The following SCAF11 variants were observed in gnomAD, a reference collection of about 807,000 sequenced individuals.
SCAF11 encodes the protein SR-related CTD associated factor 11, also known as protein SCAF11.
SCAF11 carries 47 observed loss-of-function variants against 140.5 expected under a neutral mutation model. The ratio of observed to expected loss-of-function variants is 0.33; its 90% CI spans 0.26 to 0.43. The LOEUF (loss-of-function observed/expected upper bound fraction) is 0.43. SCAF11 is among the 20% of genes least tolerant of loss of function. The probability of loss-of-function intolerance (pLI) is 1.00; values close to 1 mark genes in which losing one functional copy is unlikely to be tolerated. For synonymous variants in SCAF11, 557 were observed against 579.4 expected (o/e 0.96, Z 0.55); for missense variants, 1,645 against 1,705.1 (o/e 0.96, Z 0.62).
At chr12:45,939,939 C>A (rs956973913) in intron 6 of SCAF11, among the ~76,000 whole-genome samples, 1 of 152,200 alleles carries the variant, frequency 6.6e-6, no homozygotes, top group Non-Finnish European at 1.5e-5. Context: ...ACTCTACCTT[C>A]GTGACTTTGT....
chr12:45,939,940 G>A (rs142609275), intron 6 of SCAF11, among the ~76,000 whole-genome samples: 103 of 152,210 alleles, frequency 6.8e-4, no homozygotes, highest in South Asian at 5.4e-3. Context: ...CTCTACCTTC[G>A]TGACTTTGTC....
Position 45,927,345 on chromosome 12 carries a change from T to C in SCAF11, c.2356A>G (p.Lys786Glu), listed in dbSNP as rs921263146. Reference protein sequence around the residue: ...SPKDTIDKTKKPRTRRSRFHS... With the variant: ...SPKDTIDKTKEPRTRRSRFHS... ...AATCTAGATCTTCGAGTACGAGGCTTTTTGGTTTTATCTATGGTATCTTTT... is the reference window on the plus strand; with the variant it reads ...AATCTAGATCTTCGAGTACGAGGCTCTTTGGTTTTATCTATGGTATCTTTT... The change falls in exon 11 of 15, where the codon AAG (lysine) becomes GAG (glutamate). Residue 786 changes from lysine (K) to glutamate (E), a missense_variant. By Grantham distance (56) the Lys-to-Glu change is moderately conservative. Coordinates refer to ENST00000369367, the MANE Select transcript of SCAF11 (RefSeq NM_004719.3). The C allele has an allele frequency of 6.2e-7, 1 of 1,614,108 alleles. No homozygotes were observed. Among genetic ancestry groups the C allele is most frequent in the Non-Finnish European group, 8.5e-7 (1 of 1,179,996 alleles).
In SCAF11 at chr12:45,924,828, G is replaced by A. The variant is rs1944812115; in HGVS notation, c.3806C>T (p.Pro1269Leu). ...TGGTAGTCCCTGAGATACACTGGTA[G>A]GAGTGGCTACCTGCATGAGGGGCAC... ...TGVPLMQVAT[P>L]TSVSQGLPPP... is the part of the protein sequence containing the mutation. Residue 1269 changes from proline (P) to leucine (L), a missense_variant, in exon 12 of 15, where the codon CCT (proline) becomes CTT (leucine). Transcript: ENST00000369367. 6.2e-7 allele frequency: 1 copy of A among 1,613,974 alleles called. No individual in the cohort carries two copies. The highest frequency in any genetic ancestry group is 1.3e-5 in the African/African-American group (1 of 74,920).
chr12:45,979,110 C>A (rs1592224989), intron 1 of SCAF11, among the ~76,000 whole-genome samples: 1 of 112,350 alleles, frequency 8.9e-6, no homozygotes, highest in South Asian at 3.6e-4. Flanking sequence ...GGCTGTGAGG[C>A]TATGCCCTCA....
At chr12:45,983,742 A>AACACACACACACACACACACACAC (rs55655357) in intron 1 of SCAF11, among the ~76,000 whole-genome samples, 1 of 133,906 alleles carries the variant, frequency 7.5e-6, no homozygotes, top group Non-Finnish European at 1.6e-5. Flanking sequence ...CTAAACCTAA[A>AACACACACACACACACACACACAC]ACACACACAC....
rs1009670729 is a variant in SCAF11 at position 45,949,437 on chromosome 12, A to G, written c.298-900T>C. 2.0e-4 allele frequency among the ~76,000 whole-genome samples: 31 copies of G among 152,220 alleles called. 1 individual carries two copies. Among genetic ancestry groups the G allele is most frequent in the Non-Finnish European group, 4.4e-5 (3 of 68,040 alleles). On this transcript the variant is annotated intron_variant, in intron 4 of 14. Coordinates refer to ENST00000369367, the MANE Select transcript of SCAF11 (RefSeq NM_004719.3). ...ATATATTGGATTAAAAATAAAATAT[A>G]TCATTCAATTTATTTCATTTTTTTA...
intron 6 of SCAF11, among the ~76,000 whole-genome samples, chr12:45,935,279 C>G (rs1302533189): frequency 6.6e-6 from 1 of 152,214 alleles, no homozygotes; most frequent in Admixed American, 6.5e-5. Flanking sequence ...CTACTTTCTA[C>G]TTAATAGCAT....
chr12:45,928,793 C>G lies in SCAF11; in HGVS notation c.908G>C (p.Gly303Ala). ...QEGEEKKQTS[G>A]TSNTRGSRRK... The stretch of plus-strand genomic sequence containing the variant: ...TCTTGATCCTCTGGTATTTGATGTA[C>G]CAGAAGTTTGCTTCTTTTCTTCCCC... Residue 303 changes from glycine to alanine, a missense_variant, in exon 11 of 15, where the codon GGT becomes GCT. This residue lies in a region of SCAF11 where 1,582 missense variants were observed against 1,609.2 expected (regional missense o/e 0.98). Coordinates refer to ENST00000369367, the MANE Select transcript of SCAF11 (RefSeq NM_004719.3). 1.2e-6 allele frequency: 2 copies of G among 1,613,130 alleles called. No individual in the cohort carries two copies. The highest frequency in any genetic ancestry group is 1.7e-6 in the Non-Finnish European group (2 of 1,179,936).
chr12:45,987,646 T>C (rs1258095894), intron 1 of SCAF11, among the ~76,000 whole-genome samples: 3 of 151,922 alleles, frequency 2.0e-5, no homozygotes, highest in East Asian at 3.9e-4. Context: ...CACAACAGCG[T>C]AGGGGAAAGG....
rs74695797 is a variant in SCAF11 at position 45,944,636 on chromosome 12, C to T, written c.463+613G>A. On this transcript the variant is annotated intron_variant, in intron 6 of 14. Transcript: ENST00000369367. Reference sequence around the variant, plus strand: ...TGGGACAGAATAAACAGCCTGAACCCCCAAGGAGGAGTCACAAAGAACTAT... The same window carrying T: ...TGGGACAGAATAAACAGCCTGAACCTCCAAGGAGGAGTCACAAAGAACTAT... Among the ~76,000 whole-genome samples, 1,094 of 152,188 alleles carry T rather than the reference C, an allele frequency of 7.2e-3. 10 individuals are homozygous for T. The highest frequency in any genetic ancestry group is 0.025 in the African/African-American group (1,036 of 41,502).
chr12:45,956,022 C>A, intron 3 of SCAF11: 1 of 686,356 alleles, frequency 1.5e-6, no homozygotes, highest in East Asian at 2.7e-5. Flanking sequence ...TTCAGTAAAA[C>A]ACACCCTACT....
chr12:45,989,667 TTA>T (rs1380411327), intron 1 of SCAF11, among the ~76,000 whole-genome samples: 2 of 152,140 alleles, frequency 1.3e-5, no homozygotes, highest in African/African-American at 4.8e-5. Flanking sequence ...TAGGCTAAAT[TTA>T]TATCTCCCGG....
In SCAF11 at chr12:45,977,744, T is replaced by C. The variant is rs141679072; in HGVS notation, c.-22+12609A>G. The stretch of plus-strand genomic sequence containing the variant: ...GCCAACACAGAAGGCACCCAAATTA[T>C]ACTGCCACAAGATGAGCTTGGGAGG... On this transcript the variant is annotated intron_variant, in intron 1 of 14. Transcript: ENST00000369367. Among the ~76,000 whole-genome samples, 27 of 152,286 alleles carry C rather than the reference T, an allele frequency of 1.8e-4. No individual in the cohort carries two copies. In the East Asian group the frequency reaches 3.9e-3, roughly 22 times the overall value.
intron 1 of SCAF11, among the ~76,000 whole-genome samples, chr12:45,970,945 CA>C (rs1004576103): frequency 6.6e-6 from 1 of 152,064 alleles, no homozygotes; most frequent in African/African-American, 2.4e-5. Context: ...CTATGCTCTA[CA>C]ATGATCAAAA....
intron 1 of SCAF11, among the ~76,000 whole-genome samples, chr12:45,971,246 A>G (rs372267690): frequency 6.6e-5 from 10 of 152,344 alleles, no homozygotes; most frequent in African/African-American, 2.4e-4. Flanking sequence ...ATTATAAAAT[A>G]TAATTCTCAA....
Position 45,958,401 on chromosome 12 carries a change from A to C in SCAF11, c.219+3299T>G, listed in dbSNP as rs559731337. Among the ~76,000 whole-genome samples, 8 of 152,336 alleles carry C rather than the reference A, an allele frequency of 5.3e-5. No homozygotes were observed. The South Asian group carries it at 1.7e-3, about 32-fold the overall frequency. ...TTTTGCCCACAATATGGGTAAAATA[A>C]ATAACTTCCTAACTGAATAGATGAT... is the stretch of plus-strand genomic sequence containing the variant. On this transcript the variant is annotated intron_variant, in intron 3 of 14. Transcript: ENST00000369367.
rs764552227 is a variant in SCAF11, at chr12:45,928,667, C to T, written c.1034G>A (p.Gly345Glu). 17 of 1,613,852 alleles carry T rather than the reference C, an allele frequency of 1.1e-5. 2 individuals carry two copies. The Admixed American group carries it at 2.2e-4, about 21-fold the overall frequency. The change falls in exon 11 of 15, where the codon GGG becomes GAG. Residue 345 changes from glycine to glutamate, a missense_variant. Transcript: ENST00000369367. ...SQRSPISDNS[G>E]CDAPGNSNPS... ...ATTACTGTTACCTGGGGCATCACAC[C>T]CAGAATTGTCTGATATTGGGGATCT...
rs1944681453 is a variant in SCAF11 at position 45,920,549 on chromosome 12, C to A, written c.*1499G>T. 2 of 148,470 alleles carry A rather than the reference C, an allele frequency of 1.3e-5. No individual in the cohort carries two copies. Among genetic ancestry groups the A allele is most frequent in the Admixed American group, 6.8e-5 (1 of 14,756 alleles). The allele number at this position is 148,470 out of a possible 1,614,324, so 9.2% of individuals were successfully genotyped here. A position where few individuals can be genotyped will look rare whatever the true frequency, so the allele number is the denominator to read the frequency against. ...CAAGATGCCAGTTAAAATAATGGCACAATAAACATTTTAAACTTACCTTTT... is the reference window on the plus strand; with the variant it reads ...CAAGATGCCAGTTAAAATAATGGCAAAATAAACATTTTAAACTTACCTTTT... On this transcript the variant is annotated 3_prime_UTR_variant, in exon 15 of 15. Coordinates refer to ENST00000369367, the MANE Select transcript of SCAF11 (RefSeq NM_004719.3).
chr12:45,956,154 T>C, intron 3 of SCAF11: 1 of 716,908 alleles, frequency 1.4e-6, no homozygotes. Context: ...CTCCTGCTGC[T>C]CTATCCTCAA....
Sources: allele counts gnomAD v4.1 joint callset (sites outside exome capture counted in the v4.1 genomes callset), GRCh38; gene constraint gnomAD v4.1.1; regional missense constraint gnomAD v4.1.1; transcripts MANE v1.5; gene names NCBI Gene and HGNC (gene_info 2026-07-23, HGNC 2026-07-21).